MRTFB: variants seen among roughly 807,000 people sequenced by gnomAD.
MRTFB encodes the protein myocardin-related transcription factor B.
A neutral mutation model predicts 104.2 loss-of-function variants in MRTFB; 29 were observed. The ratio of observed to expected loss-of-function variants is 0.28; its 90% confidence interval spans 0.21 to 0.38. The LOEUF is 0.38. Ranked by LOEUF, MRTFB falls within the 10% of genes least tolerant of loss-of-function variation. MRTFB has a pLI of 1.00. For missense variants in MRTFB, 1,270 were observed against 1,341.6 expected (o/e 0.95, Z 0.83); for synonymous variants, 535 against 519.5 (o/e 1.03, Z -0.41).
At chr16:14,027,096 G>A in the MRTFB span, among the ~76,000 whole-genome samples, 2 of 152,006 alleles carry the variant, frequency 1.3e-5, no homozygotes, top group East Asian at 1.9e-4. Context: ...TACAAAAACC[G>A]GTACATGAAT....
the MRTFB span, among the ~76,000 whole-genome samples, chr16:14,041,797 A>T: frequency 6.6e-6 from 1 of 151,974 alleles, no homozygotes. Flanking sequence ...GTGGTGGCAC[A>T]TGCCTGTAAT....
At chr16:14,036,133 A>G in the MRTFB span, among the ~76,000 whole-genome samples, 1 of 89,534 alleles carries the variant, frequency 1.1e-5, no homozygotes, top group African/African-American at 4.2e-5. Context: ...AATATATATT[A>G]TATATTATAT....
Position 14,263,565 on chromosome 16 carries a change from T to C in MRTFB, c.*2121T>C. 6.6e-6 allele frequency: 1 copy of C among 152,228 alleles called. No homozygotes were observed. The highest frequency in any genetic ancestry group is 1.9e-4 in the East Asian group (1 of 5,204). The allele number at this position is 152,228 out of a possible 1,614,324, so 9.4% of individuals were successfully genotyped here. Reference sequence around the variant, plus strand: ...ACTAGTACCATTGACTCTCGTTGAATAACTTTATATTTCCATAATCCTGAA... The same window carrying C: ...ACTAGTACCATTGACTCTCGTTGAACAACTTTATATTTCCATAATCCTGAA... On this transcript the variant is annotated 3_prime_UTR_variant, in exon 17 of 17. Coordinates refer to ENST00000571589, the MANE Select transcript of MRTFB (RefSeq NM_001308142.2).
At chr16:14,122,796 G>T (rs1414830630) in intron 2 of MRTFB, among the ~76,000 whole-genome samples, 1 of 152,146 alleles carries the variant, frequency 6.6e-6, no homozygotes, top group Non-Finnish European at 1.5e-5. Flanking sequence ...AATCCTTTGG[G>T]TATATACACA....
In MRTFB at chr16:14,079,358, A is replaced by G. The variant is rs924213184; in HGVS notation, c.-64+4A>G. The stretch of plus-strand genomic sequence containing the variant: ...ATAATTAAATATTCTTACCGAGGTA[A>G]GTTTTTTTATAATTTTTTTTTAACA... On this transcript the variant is annotated splice_donor_region_variant and intron_variant, in intron 2 of 16. Transcript: ENST00000571589. 1.7e-5 allele frequency: 6 copies of G among 350,798 alleles called. No individual in the cohort carries two copies. Among genetic ancestry groups the G allele is most frequent in the Non-Finnish European group, 3.1e-5 (6 of 192,664 alleles). 21.7% of individuals were successfully genotyped at this position (350,798 alleles called of 1,614,324 possible).
At chr16:14,027,414 A>G in the MRTFB span, among the ~76,000 whole-genome samples, 1 of 152,178 alleles carries the variant, frequency 6.6e-6, no homozygotes, top group African/African-American at 2.4e-5. Flanking sequence ...TGAAGAGGGT[A>G]TTTCTTTGTG....
the MRTFB span, among the ~76,000 whole-genome samples, chr16:13,995,349 C>G: frequency 6.6e-6 from 1 of 151,998 alleles, no homozygotes; most frequent in Admixed American, 6.6e-5. Flanking sequence ...GAGCCATGAC[C>G]CACTTAAACT....
At chr16:14,158,396 G>T (rs1242957912) in intron 3 of MRTFB, among the ~76,000 whole-genome samples, 1 of 152,104 alleles carries the variant, frequency 6.6e-6, no homozygotes, top group Non-Finnish European at 1.5e-5. Flanking sequence ...TACCTTTGAA[G>T]TAGGTTTTAA....
chr16:14,129,664 G>C (rs971148478), intron 2 of MRTFB, among the ~76,000 whole-genome samples: 1 of 152,150 alleles, frequency 6.6e-6, no homozygotes, highest in African/African-American at 2.4e-5. Context: ...CCAGTGCTGT[G>C]CTAGGGTTCC....
chr16:14,034,094 G>C, the MRTFB span, among the ~76,000 whole-genome samples: 1 of 152,134 alleles, frequency 6.6e-6, no homozygotes, highest in East Asian at 1.9e-4. Flanking sequence ...CAGGCCCCAG[G>C]CCTTGCTGCT....
Position 14,166,217 on chromosome 16 carries a change from CT to C in MRTFB, c.154+25475del, listed in dbSNP as rs35113283. On this transcript the variant is annotated intron_variant, in intron 3 of 16. Coordinates refer to ENST00000571589, the MANE Select transcript of MRTFB (RefSeq NM_001308142.2). The stretch of plus-strand genomic sequence containing the variant: ...TTTGGTTTTGTGTGGGTTTTCTTTT[CT>C]TTTTTTTTTTTTTTTTTGCCAACAT... Among the ~76,000 whole-genome samples, 207 of 112,504 alleles carry C rather than the reference CT, an allele frequency of 1.8e-3. 1 individual carries two copies. The highest frequency in any genetic ancestry group is 4.4e-3 in the South Asian group (15 of 3,392). The allele number at this position is 112,504 out of a possible 152,430, so 73.8% of individuals were successfully genotyped here. A position where few individuals can be genotyped will look rare whatever the true frequency, so the allele number is the denominator to read the frequency against.
chr16:14,201,817 T>C (rs1457128570), intron 3 of MRTFB, among the ~76,000 whole-genome samples: 1 of 152,204 alleles, frequency 6.6e-6, no homozygotes, highest in African/African-American at 2.4e-5. Context: ...TCTGAATCTA[T>C]CGTTTTCTTG....
In MRTFB at chr16:14,249,038, C is replaced by G. The variant is rs769441113; in HGVS notation, c.2360C>G (p.Thr787Arg). Residue 787 changes from threonine (T) to arginine (R), a missense_variant, in exon 13 of 17, where the codon ACG becomes AGG. Physicochemically the swap from Thr to Arg is moderately conservative, Grantham distance 71. Transcript: ENST00000571589. Reference protein sequence around the residue: ...LAPTVPQTQDTFPQHVLSQPQ... With the variant: ...LAPTVPQTQDRFPQHVLSQPQ... ...CCAACTGTACCTCAGACACAAGACA[C>G]GTTCCCGCAGCATGTGCTCAGTCAG... The G allele has an allele frequency of 4.3e-6, 7 of 1,614,158 alleles. No individual in the cohort carries two copies. The highest frequency in any genetic ancestry group is 2.5e-6 in the Non-Finnish European group (3 of 1,180,018).
the MRTFB span, among the ~76,000 whole-genome samples, chr16:14,051,636 C>G: frequency 1.3e-5 from 2 of 151,856 alleles, no homozygotes; most frequent in African/African-American, 2.4e-5. Flanking sequence ...TATACAAACA[C>G]ACTCGTATAG....
the MRTFB span, among the ~76,000 whole-genome samples, chr16:13,998,747 A>G: frequency 2.0e-5 from 3 of 151,338 alleles, no homozygotes; most frequent in Non-Finnish European, 2.9e-5. Context: ...AGGAACAAGG[A>G]GAAGGAAGAA....
At chr16:14,002,915 G>C in the MRTFB span, among the ~76,000 whole-genome samples, 1 of 152,038 alleles carries the variant, frequency 6.6e-6, no homozygotes. Context: ...GGTTGGGGCT[G>C]TTCGTGAGGT....
intron 3 of MRTFB, chr16:14,152,412 A>G (rs1031035921): frequency 1.3e-5 from 2 of 152,098 alleles, no homozygotes; most frequent in African/African-American, 4.8e-5. Flanking sequence ...TTGTTATAGA[A>G]TATTCTTCTA....
intron 3 of MRTFB, among the ~76,000 whole-genome samples, chr16:14,166,243 T>C (rs1393373773): frequency 7.0e-6 from 1 of 142,282 alleles, no homozygotes; most frequent in Non-Finnish European, 1.5e-5. Flanking sequence ...TTTGCCAACA[T>C]CTTATTTTGA....
intron 3 of MRTFB, among the ~76,000 whole-genome samples, chr16:14,161,961 G>C (rs185324792): frequency 1.3e-5 from 2 of 151,842 alleles, no homozygotes; most frequent in Non-Finnish European, 2.9e-5. Flanking sequence ...TTCTACCCTG[G>C]GTGTCAGAAT....
Sources: allele counts gnomAD v4.1 joint callset (sites outside exome capture counted in the v4.1 genomes callset), GRCh38; gene constraint gnomAD v4.1.1; transcripts MANE v1.5; gene names NCBI Gene and HGNC (gene_info 2026-07-23, HGNC 2026-07-21).